The following SI variants were observed in gnomAD, a reference collection of about 807,000 sequenced individuals.
SI encodes the protein sucrase-isomaltase, intestinal.
A neutral mutation model predicts 253.3 loss-of-function variants in SI; 235 were observed. That is an observed-to-expected ratio of 0.93 (90% CI 0.83 to 1.03). The LOEUF (loss-of-function observed/expected upper bound fraction) is 1.03, where lower values mean the gene tolerates loss of function less well. Among genes scored for constraint, SI ranks in the 50% least tolerant of loss-of-function variants. The probability of loss-of-function intolerance (pLI) is 0.00; values close to 1 mark genes in which losing one functional copy is unlikely to be tolerated. For synonymous variants in SI, 819 were observed against 712.0 expected (o/e 1.15, Z -2.39); for missense variants, 2,442 against 2,211.1 (o/e 1.10, Z -2.09).
Position 165,023,368 on chromosome 3 carries a change from T to C in SI, c.3099+202A>G, listed in dbSNP as rs539936608. Among the ~76,000 whole-genome samples the C allele has an allele frequency of 2.6e-5, 4 of 151,672 alleles. No homozygotes were observed. The South Asian group carries it at 8.3e-4, about 31-fold the overall frequency. ...ATTTTTAAAATCATCATTGTATTAA[T>C]CACAAAGTTAGCAGGAATGAGCAGT... On this transcript the variant is annotated intron_variant, in intron 26 of 47. Transcript: ENST00000264382.
At chr3:165,045,161 A>G (rs1713039569) in intron 16 of SI, among the ~76,000 whole-genome samples, 1 of 152,024 alleles carries the variant, frequency 6.6e-6, no homozygotes, top group South Asian at 2.1e-4. Context: ...CTACTTCTTT[A>G]AAATGTATTG....
intron 44 of SI, among the ~76,000 whole-genome samples, chr3:164,989,504 G>C (rs917441350): frequency 2.6e-5 from 4 of 151,582 alleles, no homozygotes; most frequent in African/African-American, 9.7e-5. Context: ...AGAAGAGAAA[G>C]AAGAGAAGAG....
chr3:165,038,726 A>G (rs756658516), intron 20 of SI, among the ~76,000 whole-genome samples: 38 of 152,026 alleles, frequency 2.5e-4, no homozygotes, highest in Non-Finnish European at 4.6e-4. Context: ...TCAGTACTCA[A>G]GTCTTCTGGC....
At position 165,021,330 on chromosome 3, in the gene SI, T is replaced by G. The variant is rs992284345; in HGVS notation, c.3153A>C (p.Pro1051=). Residue 1051 remains proline (P), a synonymous_variant, in exon 27 of 48, where the codon CCA becomes CCC. Coordinates refer to ENST00000264382, the MANE Select transcript of SI (RefSeq NM_001041.4). ...RYEVPVPLNI[P]TTPISTYEDR... is the part of the protein sequence containing the mutation. The stretch of plus-strand genomic sequence containing the variant: ...CTTCATAAGTACTTATTGGGGTGGT[T>G]GGAATGTTTAACGGTACTGGTACTT... 5.0e-6 allele frequency: 8 copies of G among 1,610,932 alleles called. No homozygotes were observed. Among genetic ancestry groups the G allele is most frequent in the Non-Finnish European group, 5.9e-6 (7 of 1,177,770 alleles).
chr3:165,034,833 A>G (rs918256173), intron 22 of SI, among the ~76,000 whole-genome samples: 1 of 152,044 alleles, frequency 6.6e-6, no homozygotes, highest in African/African-American at 2.4e-5. Context: ...AGATGCAATT[A>G]CTGGAATCAC....
chr3:164,997,125 T>C (rs981217438), intron 38 of SI, among the ~76,000 whole-genome samples: 8 of 151,776 alleles, frequency 5.3e-5, no homozygotes, highest in Admixed American at 2.6e-4. Flanking sequence ...TACTTAACTA[T>C]AGGTCTGATT....
At chr3:165,062,253 C>G (rs114533006) in intron 9 of SI, 118 bp downstream of exon 9, 3 of 642,428 alleles carry the variant, frequency 4.7e-6, no homozygotes, top group African/African-American at 1.9e-5. Flanking sequence ...ATAAGATTTT[C>G]GAAAACATTT....
Position 165,046,943 on chromosome 3 carries a change from T to G in SI, c.1785A>C (p.Gly595=). 4 of 1,612,682 alleles carry G rather than the reference T, an allele frequency of 2.5e-6. No homozygotes were observed. The highest frequency in any genetic ancestry group is 1.7e-6 in the Non-Finnish European group (2 of 1,179,256). The change falls in exon 16 of 48, where the codon GGA becomes GGC. Residue 595 remains glycine (G), a synonymous_variant. Transcript: ENST00000264382. ...ILTRSTFAGS[G]RHAAHWLGDN... The stretch of plus-strand genomic sequence containing the variant: ...CTCCTAACCAATGCGCAGCATGTCT[T>G]CCAGATCCAGCAAATGTTGAGCGGG...
chr3:165,035,013 T>C (rs1712459462), intron 22 of SI, among the ~76,000 whole-genome samples: 1 of 151,926 alleles, frequency 6.6e-6, no homozygotes, highest in Non-Finnish European at 1.5e-5. Flanking sequence ...ATGAAATCCT[T>C]AGGTTGTGAG....
chr3:165,088,317 G>T, the SI span, among the ~76,000 whole-genome samples: 1 of 151,584 alleles, frequency 6.6e-6, no homozygotes, highest in Non-Finnish European at 1.5e-5. Context: ...CTGCACTCCA[G>T]CCTGGGCAAC....
At chr3:165,074,060 T>TC (rs1267321387) in intron 3 of SI, among the ~76,000 whole-genome samples, 1 of 152,090 alleles carries the variant, frequency 6.6e-6, no homozygotes, top group African/African-American at 2.4e-5. Flanking sequence ...TGGTTACACC[T>TC]AATTTTCTCC....
chr3:165,029,603 T>TATATAC (rs1712125361), intron 25 of SI, among the ~76,000 whole-genome samples: 2 of 145,102 alleles, frequency 1.4e-5, no homozygotes, highest in South Asian at 2.1e-4. Flanking sequence ...TATATATACA[T>TATATAC]ATATATGTAT....
At chr3:165,053,138 CT>C (rs1245094145) in intron 13 of SI, among the ~76,000 whole-genome samples, 2 of 151,612 alleles carry the variant, frequency 1.3e-5, no homozygotes, top group African/African-American at 4.8e-5. Flanking sequence ...GTACAGTAGG[CT>C]TTTGTTTCTC....
At chr3:165,029,336 T>C (rs977581969) in intron 25 of SI, among the ~76,000 whole-genome samples, 1 of 150,910 alleles carries the variant, frequency 6.6e-6, no homozygotes, top group African/African-American at 2.4e-5. Flanking sequence ...ATAGTGGGAA[T>C]GTAAACTAGT....
intron 37 of SI, among the ~76,000 whole-genome samples, chr3:165,002,584 C>T (rs1342308880): frequency 1.3e-5 from 2 of 151,568 alleles, no homozygotes; most frequent in Non-Finnish European, 3.0e-5. Context: ...GAGAAAAAAA[C>T]GTGTGTTTAT....
intron 12 of SI, 97 bp from the exon 13 acceptor site, chr3:165,055,404 A>G: frequency 1.4e-6 from 1 of 714,884 alleles, no homozygotes; most frequent in Admixed American, 2.3e-5. Context: ...AAAAAAAATA[A>G]AGTTATTCTA....
rs769259229 is a variant in SI at position 165,021,251 on chromosome 3, G to T, written c.3232C>A (p.Arg1078=). The T allele has an allele frequency of 1.2e-6, 2 of 1,610,516 alleles. No homozygotes were observed. The highest frequency in any genetic ancestry group is 2.7e-5 in the African/African-American group (2 of 74,612). ...TACATGACTCTTCCACTGCTTCTCC[G>T]TCGAATCTGGATGCCAAAAGGATTT... ...KENPFGIQIR[R]RSSGRVIWDS... is the part of the protein sequence containing the mutation. The change falls in exon 27 of 48, where the codon CGG becomes AGG. Residue 1078 remains arginine, a synonymous_variant. Transcript: ENST00000264382.
intron 14 of SI, 148 bp from the exon 15 acceptor site, chr3:165,049,392 C>G: frequency 1.6e-6 from 1 of 622,324 alleles, no homozygotes. Context: ...TCCAATTAAA[C>G]CTAAAATAAG....
At chr3:165,022,864 CATTTAAAATATCGTTTACTCTT>C (rs1711700528) in intron 26 of SI, among the ~76,000 whole-genome samples, 1 of 151,592 alleles carries the variant, frequency 6.6e-6, no homozygotes, top group Admixed American at 6.6e-5. Flanking sequence ...AGTGAATTAA[CATTTAAAATATCGTTTACTCTT>C]ATTTATAATT....
Sources: gnomAD v4.1 joint callset for allele counts (sites outside exome capture counted in the v4.1 genomes callset) on GRCh38, gnomAD v4.1.1 for gene constraint, MANE v1.5 for transcripts, NCBI Gene and HGNC (gene_info 2026-07-23, HGNC 2026-07-21) for gene names.